The following SNTG2 variants were observed in gnomAD, a reference collection of about 807,000 sequenced individuals.
SNTG2 encodes the protein syntrophin gamma 2, also known as gamma-2-syntrophin.
SNTG2 carries 74 observed loss-of-function variants against 70.9 expected under a neutral mutation model. The ratio of observed to expected loss-of-function variants is 1.04; its 90% CI spans 0.86 to 1.27. The LOEUF is 1.27. Among genes scored for constraint, SNTG2 ranks in the 50% most tolerant of loss-of-function variants. SNTG2 has a pLI of 0.00. For synonymous variants in SNTG2, 278 were observed against 273.8 expected (o/e 1.02, Z -0.15); for missense variants, 717 against 690.7 (o/e 1.04, Z -0.43).
At chr2:1,274,353 A>C (rs922758804) in intron 14 of SNTG2, among the ~76,000 whole-genome samples, 1 of 152,258 alleles carries the variant, frequency 6.6e-6, no homozygotes, top group South Asian at 2.1e-4. Context: ...TGATGTAGGA[A>C]TCTATCAAAA....
At chr2:1,250,628 TTC>T (rs993845179) in intron 12 of SNTG2, among the ~76,000 whole-genome samples, 1 of 151,988 alleles carries the variant, frequency 6.6e-6, no homozygotes, top group African/African-American at 2.4e-5. Flanking sequence ...ATCTCTGCCT[TTC>T]TCTCTGTCTC....
chr2:1,058,350 A>G (rs1368890990), intron 1 of SNTG2, among the ~76,000 whole-genome samples: 1 of 152,112 alleles, frequency 6.6e-6, no homozygotes, highest in African/African-American at 2.4e-5. Context: ...TTAAAAAAGC[A>G]AACAACACAC....
chr2:1,138,390 G>A (rs1277828605), intron 6 of SNTG2, among the ~76,000 whole-genome samples: 4 of 152,208 alleles, frequency 2.6e-5, no homozygotes, highest in Non-Finnish European at 5.9e-5. Flanking sequence ...GGATGAAACA[G>A]ACGTCTATCC....
intron 1 of SNTG2, among the ~76,000 whole-genome samples, chr2:1,011,891 CATT>C (rs1558309344): frequency 6.6e-6 from 1 of 152,178 alleles, no homozygotes; most frequent in Non-Finnish European, 1.5e-5. Flanking sequence ...GCATTACACT[CATT>C]AGGAAAAATT....
chr2:1,077,873 G>GT (rs916392146), intron 1 of SNTG2, among the ~76,000 whole-genome samples: 53 of 151,244 alleles, frequency 3.5e-4, no homozygotes, highest in Admixed American at 2.4e-3. Context: ...AATGTTTTTT[G>GT]TTTTTTTTTC....
intron 1 of SNTG2, among the ~76,000 whole-genome samples, chr2:1,077,555 C>T (rs1007938160): frequency 3.3e-5 from 5 of 152,226 alleles, no homozygotes; most frequent in East Asian, 1.9e-4. Context: ...CCCGGGTCTG[C>T]GGCACGCATT....
Position 1,239,773 on chromosome 2 carries a change from C to T in SNTG2, c.885C>T (p.Asp295=). Residue 295 remains aspartate, a synonymous_variant, in exon 11 of 17, where the codon GAC becomes GAT. Coordinates refer to ENST00000308624, the MANE Select transcript of SNTG2 (RefSeq NM_018968.4). ...KMANKCCSPS[D]QVVHMGWVNE... ...CGAACAAATGCTGCTCTCCTTCCGA[C>T]CAGGTAGGGTTTGTATTTTCTGCTT... 1 of 1,613,296 alleles carries T rather than the reference C, an allele frequency of 6.2e-7. No individual in the cohort carries two copies. Among genetic ancestry groups the T allele is most frequent in the Non-Finnish European group, 8.5e-7 (1 of 1,179,714 alleles).
At chr2:1,035,500 A>G (rs528324049) in intron 1 of SNTG2, among the ~76,000 whole-genome samples, 1 of 152,366 alleles carries the variant, frequency 6.6e-6, no homozygotes, top group African/African-American at 2.4e-5. Context: ...TGGACCAAAA[A>G]GGACTGGAAC....
intron 11 of SNTG2, among the ~76,000 whole-genome samples, chr2:1,245,306 T>A (rs1677360229): frequency 6.6e-6 from 1 of 152,076 alleles, no homozygotes. Context: ...TAAGTCCTCC[T>A]CAAGAGCTTT....
chr2:986,249 G>A (rs1354550107), intron 1 of SNTG2, among the ~76,000 whole-genome samples: 1 of 152,172 alleles, frequency 6.6e-6, no homozygotes, highest in Non-Finnish European at 1.5e-5. Flanking sequence ...CCTGAGCAGA[G>A]TTGTGGCCCC....
At chr2:1,008,922 AAATTACTG>A (rs1388424984) in intron 1 of SNTG2, among the ~76,000 whole-genome samples, 1 of 152,230 alleles carries the variant, frequency 6.6e-6, no homozygotes, top group Non-Finnish European at 1.5e-5. Context: ...GTGCTGTTTC[AAATTACTG>A]AATTTTGGTA....
At chr2:1,087,633 TAA>T (rs1417952718) in intron 2 of SNTG2, among the ~76,000 whole-genome samples, 1 of 152,174 alleles carries the variant, frequency 6.6e-6, no homozygotes, top group African/African-American at 2.4e-5. Flanking sequence ...CATAAGTAAA[TAA>T]AAAGACATAT....
rs73908665 is a variant in SNTG2, at chr2:1,035,454, C to T, written c.73-48064C>T. 3.5e-3 allele frequency among the ~76,000 whole-genome samples: 526 copies of T among 152,200 alleles called. 4 individuals carry two copies. The highest frequency in any genetic ancestry group is 0.012 in the African/African-American group (487 of 41,522). On this transcript the variant is annotated intron_variant, in intron 1 of 16. Coordinates refer to ENST00000308624, the MANE Select transcript of SNTG2 (RefSeq NM_018968.4). ...ATTTTGTTATCTGAATCTTTTGTAC[C>T]GCTACTTATTTCCCTCCATTTGTTC...
intron 4 of SNTG2, among the ~76,000 whole-genome samples, chr2:1,103,121 G>C (rs967438082): frequency 3.9e-5 from 6 of 152,304 alleles, no homozygotes; most frequent in African/African-American, 1.4e-4. Flanking sequence ...GGTGTGGAGA[G>C]GCTGGGAGGT....
intron 1 of SNTG2, among the ~76,000 whole-genome samples, chr2:974,975 T>G (rs1188650223): frequency 6.6e-6 from 1 of 152,226 alleles, no homozygotes; most frequent in Non-Finnish European, 1.5e-5. Flanking sequence ...TTCTGCACAT[T>G]AGGTCATTTG....
intron 1 of SNTG2, among the ~76,000 whole-genome samples, chr2:958,554 C>T (rs755464015): frequency 5.9e-5 from 9 of 152,150 alleles, no homozygotes; most frequent in Non-Finnish European, 8.8e-5. Flanking sequence ...TTGTCAATTA[C>T]CTACACTGTA....
chr2:1,167,204 A>G (rs955413904), intron 7 of SNTG2, among the ~76,000 whole-genome samples: 11 of 150,706 alleles, frequency 7.3e-5, no homozygotes, highest in Non-Finnish European at 1.5e-4. Context: ...CAGGCCGCCC[A>G]CAGATGGCGG....
intron 14 of SNTG2, among the ~76,000 whole-genome samples, chr2:1,307,163 G>T (rs1030733590): frequency 3.4e-5 from 5 of 145,984 alleles, no homozygotes; most frequent in Non-Finnish European, 6.0e-5. Flanking sequence ...TGCTGTGTGT[G>T]TGTGTGTGTG....
chr2:986,646 A>G (rs1661333792), intron 1 of SNTG2, among the ~76,000 whole-genome samples: 1 of 152,232 alleles, frequency 6.6e-6, no homozygotes, highest in Non-Finnish European at 1.5e-5. Context: ...CTTAAAGACT[A>G]TCGGAGATTC....
Sources: gnomAD v4.1 joint callset for allele counts (sites outside exome capture counted in the v4.1 genomes callset) on GRCh38, gnomAD v4.1.1 for gene constraint, MANE v1.5 for transcripts, NCBI Gene and HGNC (gene_info 2026-07-23, HGNC 2026-07-21) for gene names.